ZFYVE9: variants seen among roughly 807,000 people sequenced by gnomAD.
The protein encoded by ZFYVE9 is zinc finger FYVE domain-containing protein 9.
Under a neutral mutation model 126.7 loss-of-function variants are expected in ZFYVE9, and 43 were observed. The ratio of observed to expected loss-of-function variants is 0.34; its 90% CI spans 0.27 to 0.44. The LOEUF (loss-of-function observed/expected upper bound fraction) is 0.44, where lower values mean the gene tolerates loss of function less well. Among genes scored for constraint, ZFYVE9 ranks in the 20% least tolerant of loss-of-function variants. The pLI is 1.00. For synonymous variants in ZFYVE9, 521 were observed against 597.4 expected (o/e 0.87, Z 1.87); for missense variants, 1,476 against 1,697.0 (o/e 0.87, Z 2.29).
chr1:52,326,446 A>G (rs1646292721), intron 13 of ZFYVE9, among the ~76,000 whole-genome samples: 1 of 152,214 alleles, frequency 6.6e-6, no homozygotes, highest in South Asian at 2.1e-4. Flanking sequence ...TCTATGAAAT[A>G]GTTACTTTTA....
At chr1:52,321,723 C>T (rs1010065222) in intron 13 of ZFYVE9, among the ~76,000 whole-genome samples, 1 of 152,134 alleles carries the variant, frequency 6.6e-6, no homozygotes, top group Non-Finnish European at 1.5e-5. Context: ...TCCTTGAGAC[C>T]ATCAGCTCTA....
chr1:52,177,178 T>G (rs1319338358), intron 1 of ZFYVE9, among the ~76,000 whole-genome samples: 1 of 149,056 alleles, frequency 6.7e-6, no homozygotes, highest in African/African-American at 2.5e-5. Context: ...AGACGGACTC[T>G]CCCTCTTGTC....
intron 1 of ZFYVE9, among the ~76,000 whole-genome samples, chr1:52,178,425 G>T (rs1644662161): frequency 6.7e-6 from 1 of 150,228 alleles, no homozygotes; most frequent in Admixed American, 6.6e-5. Flanking sequence ...TCCACCTCCT[G>T]GATTCAAGTG....
rs187221435 is a variant in ZFYVE9 at position 52,338,882 on chromosome 1, A to C, written c.3833+948A>C. Among the ~76,000 whole-genome samples, 520 of 152,228 alleles carry C rather than the reference A, an allele frequency of 3.4e-3. 2 individuals carry two copies. The highest frequency in any genetic ancestry group is 0.012 in the African/African-American group (490 of 41,560). ...CAAAATCAGCTGGGCGTGGTGGTAC[A>C]TGCCTGTAATCCCAGCTACTCAGGA... On this transcript the variant is annotated intron_variant, in intron 16 of 18. Coordinates refer to ENST00000287727, the MANE Select transcript of ZFYVE9 (RefSeq NM_004799.4).
At chr1:52,226,393 G>A (rs997454206) in intron 2 of ZFYVE9, among the ~76,000 whole-genome samples, 8 of 152,108 alleles carry the variant, frequency 5.3e-5, no homozygotes, top group Middle Eastern at 3.4e-3. Flanking sequence ...AAAATTAGCC[G>A]GGCATGGTGG....
At chr1:52,208,386 C>G (rs1019362801) in intron 1 of ZFYVE9, among the ~76,000 whole-genome samples, 14 of 152,020 alleles carry the variant, frequency 9.2e-5, no homozygotes, top group Non-Finnish European at 4.4e-5. Context: ...TTGAATCATA[C>G]TTTTTCTTTC....
At chr1:52,222,884 C>T (rs1187955031) in intron 2 of ZFYVE9, among the ~76,000 whole-genome samples, 1 of 152,148 alleles carries the variant, frequency 6.6e-6, no homozygotes, top group African/African-American at 2.4e-5. Context: ...TAAATTAGTT[C>T]CTGCTTTGGG....
At chr1:52,213,971 T>A (rs2124590839) in intron 1 of ZFYVE9, among the ~76,000 whole-genome samples, 1 of 152,262 alleles carries the variant, frequency 6.6e-6, no homozygotes, top group South Asian at 2.1e-4. Context: ...ATGATTAGTT[T>A]TGCAGAATCC....
At position 52,238,598 on chromosome 1, in the gene ZFYVE9, C is replaced by T. The variant is rs1396682313; in HGVS notation, c.1181C>T (p.Ser394Phe). Reference protein sequence around the residue: ...TEFLNMTEHFSESQDMTNWKL... With the variant: ...TEFLNMTEHFFESQDMTNWKL... Reference sequence around the variant, plus strand: ...TTCCTTAATATGACAGAGCATTTCTCTGAATCTCAGGACATGACTAATTGG... The same window carrying T: ...TTCCTTAATATGACAGAGCATTTCTTTGAATCTCAGGACATGACTAATTGG... The change falls in exon 4 of 19, where the codon TCT (serine) becomes TTT (phenylalanine). Residue 394 changes from serine to phenylalanine, a missense_variant. Ser to Phe is a radical substitution (Grantham distance 155). Around this residue, in one of 2 missense-constraint regions of ZFYVE9, gnomAD observed 807 missense variants for 794.6 expected, o/e 1.02. Transcript: ENST00000287727. 2.5e-6 allele frequency: 4 copies of T among 1,613,856 alleles called. No individual in the cohort carries two copies. Among genetic ancestry groups the T allele is most frequent in the Non-Finnish European group, 3.4e-6 (4 of 1,179,950 alleles).
chr1:52,304,302 G>A (rs1023380134), intron 13 of ZFYVE9, among the ~76,000 whole-genome samples: 7 of 151,688 alleles, frequency 4.6e-5, no homozygotes, highest in East Asian at 3.9e-4. Flanking sequence ...TCACTGTGTC[G>A]CCCAGGCTGG....
chr1:52,268,330 C>G, intron 6 of ZFYVE9, 133 bp from the exon 7 acceptor site: 1 of 824,808 alleles, frequency 1.2e-6, no homozygotes, highest in Non-Finnish European at 1.9e-6. Context: ...AGTTACATTT[C>G]TGATGTTTCT....
chr1:52,289,096 A>G (rs1361923281), intron 10 of ZFYVE9, among the ~76,000 whole-genome samples: 1 of 152,194 alleles, frequency 6.6e-6, no homozygotes, highest in Non-Finnish European at 1.5e-5. Context: ...AATTGAATTT[A>G]AAGATGGCTG....
intron 1 of ZFYVE9, among the ~76,000 whole-genome samples, chr1:52,146,472 C>T (rs1644307421): frequency 2.0e-5 from 3 of 152,010 alleles, no homozygotes; most frequent in Admixed American, 2.0e-4. Flanking sequence ...ATTTTATAGC[C>T]TGCCAGTCTT....
intron 1 of ZFYVE9, among the ~76,000 whole-genome samples, chr1:52,197,390 A>G (rs979020074): frequency 6.6e-6 from 1 of 152,204 alleles, no homozygotes; most frequent in African/African-American, 2.4e-5. Flanking sequence ...ACTTAGATGT[A>G]TAGCTTTAGA....
chr1:52,308,083 T>G (rs1646102709), intron 13 of ZFYVE9, among the ~76,000 whole-genome samples: 2 of 152,222 alleles, frequency 1.3e-5, no homozygotes, highest in Admixed American at 6.5e-5. Context: ...TTAATTTTTA[T>G]TTTAACTCAA....
At chr1:52,221,370 C>T (rs72893966) in intron 2 of ZFYVE9, among the ~76,000 whole-genome samples, 77 of 152,192 alleles carry the variant, frequency 5.1e-4, no homozygotes, top group African/African-American at 1.7e-3. Flanking sequence ...AGCATTTATG[C>T]GTAGATTCTT....
At chr1:52,229,068 TGCCCAG>T (rs1645194641) in intron 2 of ZFYVE9, among the ~76,000 whole-genome samples, 1 of 152,028 alleles carries the variant, frequency 6.6e-6, no homozygotes, top group Admixed American at 6.6e-5. Context: ...TTGTTGATGT[TGCCCAG>T]GCTGCTCTTG....
In ZFYVE9 at chr1:52,337,924, G is replaced by A. The variant is rs374609564; in HGVS notation, c.3823G>A (p.Val1275Ile). The change falls in exon 16 of 19, where the codon GTT becomes ATT. Residue 1275 changes from valine to isoleucine, a missense_variant. Coordinates refer to ENST00000287727, the MANE Select transcript of ZFYVE9 (RefSeq NM_004799.4). ...CCAGTGGGTGGATGATGACAAGAAC[G>A]TTAGCAAGGGGTAAATGCAGCACAT... ...HIQWVDDDKN[V>I]SKGVVSPIDG... The A allele has an allele frequency of 3.3e-5, 54 of 1,613,990 alleles. No individual in the cohort carries two copies. The East Asian group carries it at 4.0e-4, about 12-fold the overall frequency.
intron 1 of ZFYVE9, among the ~76,000 whole-genome samples, chr1:52,209,552 T>C (rs1645008900): frequency 6.6e-6 from 1 of 152,208 alleles, no homozygotes; most frequent in South Asian, 2.1e-4. Flanking sequence ...TCTGTGGACG[T>C]GCCTATTCTG....
Sources: gnomAD v4.1 joint callset for allele counts (sites outside exome capture counted in the v4.1 genomes callset) on GRCh38, gnomAD v4.1.1 for gene constraint, gnomAD v4.1.1 regional missense constraint, MANE v1.5 for transcripts, NCBI Gene and HGNC (gene_info 2026-07-23, HGNC 2026-07-21) for gene names.